The following CEP95 variants were observed in gnomAD, a reference collection of about 807,000 sequenced individuals.
CEP95 encodes the protein centrosomal protein of 95 kDa.
Under a neutral mutation model 111.2 loss-of-function variants are expected in CEP95, and 98 were observed. That is an observed-to-expected ratio of 0.88 (90% CI 0.75 to 1.04). The LOEUF (loss-of-function observed/expected upper bound fraction) is 1.04. CEP95 is among the 50% of genes least tolerant of loss of function. The pLI, the probability that CEP95 is intolerant of heterozygous loss-of-function variation, is 0.00. For missense variants in CEP95, 1,027 were observed against 977.2 expected (o/e 1.05, Z -0.68); for synonymous variants, 323 against 327.1 (o/e 0.99, Z 0.14).
rs553934277 is a variant in CEP95, at chr17:64,531,781, A to T, written c.1540-109A>T. On this transcript the variant is annotated intron_variant, in intron 13 of 19. Transcript: ENST00000556440. Reference sequence around the variant, plus strand: ...TGGTTTGGCTTACTGTTAGCTAAAAAACTAAAAAACTACCGTTAGCTGTTT... The same window carrying T: ...TGGTTTGGCTTACTGTTAGCTAAAATACTAAAAAACTACCGTTAGCTGTTT... 19 of 790,368 alleles carry T rather than the reference A, an allele frequency of 2.4e-5. 1 individual carries two copies. The South Asian group carries it at 7.1e-4, about 29-fold the overall frequency. The allele number at this position is 790,368 out of a possible 1,614,324, so 49.0% of individuals were successfully genotyped here.
rs372010817 is a variant in CEP95 at position 64,529,430 on chromosome 17, T to G, written c.1446+3T>G. The G allele has an allele frequency of 1.9e-5, 31 of 1,613,228 alleles. No homozygotes were observed. In the African/African-American group the frequency reaches 3.7e-4, roughly 19 times the overall value. On this transcript the variant is annotated splice_donor_region_variant and intron_variant, in intron 12 of 19. Coordinates refer to ENST00000556440, the MANE Select transcript of CEP95 (RefSeq NM_138363.3). The stretch of plus-strand genomic sequence containing the variant: ...ATGTCCGCCAATTCCAAGCACAGGT[T>G]CTTCCCCATCTCTTGACTACCATTA...
At chr17:64,523,148 A>G (rs1304178023) in intron 8 of CEP95, among the ~76,000 whole-genome samples, 1 of 152,236 alleles carries the variant, frequency 6.6e-6, no homozygotes, top group African/African-American at 2.4e-5. Context: ...AGATAGGAGA[A>G]AAACGAATGC....
At chr17:64,522,956 G>A (rs1967478844) in intron 8 of CEP95, 61 bp downstream of exon 8, 1 of 1,334,388 alleles carries the variant, frequency 7.5e-7, no homozygotes, top group East Asian at 2.5e-5. Flanking sequence ...GTCTGTGTGT[G>A]TGTTGGTAAT....
chr17:64,536,623 G>A lies in CEP95; in HGVS notation c.2092G>A (p.Glu698Lys), dbSNP rs550740598. The change falls in exon 18 of 20, where the codon GAA (glutamate) becomes AAA (lysine). Residue 698 changes from glutamate (E) to lysine (K), a missense_variant. Coordinates refer to ENST00000556440, the MANE Select transcript of CEP95 (RefSeq NM_138363.3). The part of the protein sequence containing the change: ...EEMIFKKLFE[E>K]GLNIQKQRLR... ...ACAGATATTTAAGAAACTGTTTGAAGAAGGTTTAAACATTCAAAAGCAAAG... is the reference window on the plus strand; with the variant it reads ...ACAGATATTTAAGAAACTGTTTGAAAAAGGTTTAAACATTCAAAAGCAAAG... The A allele has an allele frequency of 2.0e-4, 322 of 1,593,926 alleles. 5 individuals carry two copies. The South Asian group carries it at 3.5e-3, about 17-fold the overall frequency.
chr17:64,533,110 C>CT lies in CEP95; in HGVS notation c.1843-5dup. 1 of 1,607,024 alleles carries CT rather than the reference C, an allele frequency of 6.2e-7. No individual in the cohort carries two copies. The highest frequency in any genetic ancestry group is 2.2e-5 in the East Asian group (1 of 44,856). ...TTAACCTACTTAACTTCATGTCCCC[C>CT]TTCAAGATAGAAGAAGCCCTAAGAA... On this transcript the variant is annotated splice_polypyrimidine_tract_variant and splice_region_variant and intron_variant, in intron 15 of 19. Transcript: ENST00000556440.
chr17:64,507,455 C>A (rs2144306617), intron 1 of CEP95: 2 of 1,316,440 alleles, frequency 1.5e-6, no homozygotes, highest in East Asian at 3.3e-5. Flanking sequence ...TCCGCCCTTG[C>A]ACTATGGGCC....
intron 3 of CEP95, among the ~76,000 whole-genome samples, chr17:64,512,807 CTCT>C (rs1449127957): frequency 1.3e-5 from 2 of 152,106 alleles, no homozygotes; most frequent in Non-Finnish European, 2.9e-5. Flanking sequence ...CATAGTTTCC[CTCT>C]TTTTTTTGCA....
rs1968381993 is a variant in CEP95, at chr17:64,532,961, A to G, written c.1795A>G (p.Lys599Glu). 2 of 1,613,744 alleles carry G rather than the reference A, an allele frequency of 1.2e-6. No individual in the cohort carries two copies. Among genetic ancestry groups the G allele is most frequent in the African/African-American group, 1.3e-5 (1 of 74,922 alleles). ...AATTGCACAGGTTGAACAGCTTAAGAAAGAAGCATGTAGAGAAAATCGATC... is the reference window on the plus strand; with the variant it reads ...AATTGCACAGGTTGAACAGCTTAAGGAAGAAGCATGTAGAGAAAATCGATC... ...QQIAQVEQLK[K>E]EACRENRSKK... Residue 599 changes from lysine (K) to glutamate (E), a missense_variant, in exon 15 of 20, where the codon AAA (lysine) becomes GAA (glutamate). Coordinates refer to ENST00000556440, the MANE Select transcript of CEP95 (RefSeq NM_138363.3).
chr17:64,514,390 T>A (rs1555675915), intron 4 of CEP95, 32 bp downstream of exon 4: 2 of 1,028,944 alleles, frequency 1.9e-6, no homozygotes, highest in Non-Finnish European at 3.0e-6. Flanking sequence ...TGGTTTGGTT[T>A]ACCTTTTATG....
At position 64,508,610 on chromosome 17, in the gene CEP95, A is replaced by T; in HGVS notation, c.38A>T (p.Asn13Ile). Residue 13 changes from asparagine to isoleucine, a missense_variant, in exon 2 of 20, where the codon AAT becomes ATT. Coordinates refer to ENST00000556440, the MANE Select transcript of CEP95 (RefSeq NM_138363.3). ...GSDAEWVTIA[N>I]NLLFKCHIHL... is the part of the protein sequence containing the mutation. ...CCAACAGAGTGGGTAACCATTGCCAATAACCTTCTTTTTAAGTGTCATATA... is the reference window on the plus strand; with the variant it reads ...CCAACAGAGTGGGTAACCATTGCCATTAACCTTCTTTTTAAGTGTCATATA... 4 of 1,424,052 alleles carry T rather than the reference A, an allele frequency of 2.8e-6. No individual in the cohort carries two copies. Among genetic ancestry groups the T allele is most frequent in the Non-Finnish European group, 3.7e-6 (4 of 1,079,512 alleles). The allele number at this position is 1,424,052 out of a possible 1,614,324, so 88.2% of individuals were successfully genotyped here. A position where few individuals can be genotyped will look rare whatever the true frequency, so the allele number is the denominator to read the frequency against.
At chr17:64,528,055 C>CA (rs1461295122) in intron 11 of CEP95, among the ~76,000 whole-genome samples, 1 of 152,000 alleles carries the variant, frequency 6.6e-6, no homozygotes, top group Non-Finnish European at 1.5e-5. Context: ...ATAAGGCCTA[C>CA]ATTTCTTCAC....
chr17:64,507,183 C>T (rs1229312494), intron 1 of CEP95, 67 bp downstream of exon 1: 3 of 1,549,880 alleles, frequency 1.9e-6, no homozygotes, highest in African/African-American at 1.4e-5. Flanking sequence ...AGGCCTCGGG[C>T]TAGCCCGGAC....
chr17:64,508,035 G>A, intron 1 of CEP95: 2 of 985,186 alleles, frequency 2.0e-6, no homozygotes, highest in South Asian at 4.7e-5. Context: ...TAATAAAAAA[G>A]AAAAACTAAC....
At chr17:64,532,409 T>G in intron 14 of CEP95, 1 of 985,256 alleles carries the variant, frequency 1.0e-6, no homozygotes, top group Non-Finnish European at 1.2e-6. Flanking sequence ...GAGTGTAGAG[T>G]CTTGTTACAA....
At chr17:64,512,773 C>A (rs1159502199) in intron 3 of CEP95, among the ~76,000 whole-genome samples, 1 of 152,074 alleles carries the variant, frequency 6.6e-6, no homozygotes, top group African/African-American at 2.4e-5. Context: ...TAAATCAGTT[C>A]GGAGATAATT....
In CEP95 at chr17:64,531,991, T is replaced by C. The variant is rs1555680433; in HGVS notation, c.1641T>C (p.Gly547=). ...SRKTTTQSLR[G]GLPKPNKAVP... ...AAACCACAACGCAGAGTCTAAGAGG[T>C]GGCCTCCCAAAGCCAAATAAAGCAG... is the stretch of plus-strand genomic sequence containing the variant. Residue 547 remains glycine (G), a synonymous_variant, in exon 14 of 20, where the codon GGT becomes GGC. Coordinates refer to ENST00000556440, the MANE Select transcript of CEP95 (RefSeq NM_138363.3). The C allele has an allele frequency of 6.3e-7, 1 of 1,598,058 alleles. No homozygotes were observed. Among genetic ancestry groups the C allele is most frequent in the East Asian group, 2.2e-5 (1 of 44,508 alleles).
chr17:64,534,458 C>A, intron 16 of CEP95, 127 bp from the exon 17 acceptor site: 1 of 800,412 alleles, frequency 1.2e-6, no homozygotes, highest in Admixed American at 2.7e-5. Context: ...GCTTCTGGGG[C>A]CACTGGCCCC....
intron 10 of CEP95, chr17:64,526,899 AC>A (rs1967862476): frequency 8.3e-6 from 3 of 360,302 alleles, no homozygotes. Flanking sequence ...GGCAGAGGTT[AC>A]AGTGAGCCCA....
At position 64,528,359 on chromosome 17, in the gene CEP95, T is replaced by C. The variant is rs79193202; in HGVS notation, c.1307-929T>C. On this transcript the variant is annotated intron_variant, in intron 11 of 19. Coordinates refer to ENST00000556440, the MANE Select transcript of CEP95 (RefSeq NM_138363.3). Reference sequence around the variant, plus strand: ...CTTCTCTTGATTATTTCCTCTCTCTTCCCTTTAAAAGGACTCAGCTAATTT... The same window carrying C: ...CTTCTCTTGATTATTTCCTCTCTCTCCCCTTTAAAAGGACTCAGCTAATTT... Among the ~76,000 whole-genome samples the C allele has an allele frequency of 8.7e-4, 132 of 152,260 alleles. No homozygotes were observed. The East Asian group carries it at 0.023, about 27-fold the overall frequency.
Sources: allele counts gnomAD v4.1 joint callset (sites outside exome capture counted in the v4.1 genomes callset), GRCh38; gene constraint gnomAD v4.1.1; transcripts MANE v1.5; gene names NCBI Gene and HGNC (gene_info 2026-07-23, HGNC 2026-07-21).